AHCYL1: variants seen among roughly 807,000 people sequenced by gnomAD.
AHCYL1 encodes adenosylhomocysteinase like 1.
A neutral mutation model predicts 79.3 loss-of-function variants in AHCYL1; 20 were observed. That is an observed-to-expected ratio of 0.25 (90% CI 0.18 to 0.37). AHCYL1 has a LOEUF of 0.37. Ranked by LOEUF, AHCYL1 falls within the 10% of genes least tolerant of loss-of-function variation. The pLI, the probability that AHCYL1 is intolerant of heterozygous loss-of-function variation, is 1.00. For missense variants in AHCYL1, 330 were observed against 673.6 expected (o/e 0.49, Z 5.65); for synonymous variants, 223 against 242.2 (o/e 0.92, Z 0.74).
chr1:109,985,372 G>A, intron 1 of AHCYL1, 200 bp downstream of exon 1: 1 of 1,316,520 alleles, frequency 7.6e-7, no homozygotes. Context: ...TTTGTCCCTC[G>A]GCCCAAGTCC....
intron 1 of AHCYL1, among the ~76,000 whole-genome samples, chr1:109,987,121 C>T (rs912035778): frequency 3.9e-5 from 6 of 152,136 alleles, no homozygotes; most frequent in East Asian, 1.9e-4. Flanking sequence ...TTAGCATTTA[C>T]GTAGTACTTT....
chr1:109,992,408 CAAAAAAAAAAA>C (rs57891226), intron 1 of AHCYL1, among the ~76,000 whole-genome samples: 2 of 72,774 alleles, frequency 2.7e-5, no homozygotes, highest in Non-Finnish European at 6.2e-5. Context: ...GACTCCGTCT[CAAAAAAAAAAA>C]AAAAAAAAAA....
rs141812183 is a variant in AHCYL1 at position 109,985,490 on chromosome 1, C to T, written c.120+318C>T. ...AGTGGGAGGGGGTGAACCAACTCAGCTGACCCTTGTGACCAGTCCGGGGGC... is the reference window on the plus strand; with the variant it reads ...AGTGGGAGGGGGTGAACCAACTCAGTTGACCCTTGTGACCAGTCCGGGGGC... On this transcript the variant is annotated intron_variant, in intron 1 of 16. Transcript: ENST00000369799. 4.6e-6 allele frequency: 5 copies of T among 1,076,328 alleles called. No individual in the cohort carries two copies. In the East Asian group the frequency reaches 4.0e-4, roughly 87 times the overall value. The allele number at this position is 1,076,328 out of a possible 1,614,324, so 66.7% of individuals were successfully genotyped here.
At chr1:109,994,783 A>G (rs138085410) in intron 1 of AHCYL1, among the ~76,000 whole-genome samples, 220 of 152,324 alleles carry the variant, frequency 1.4e-3, no homozygotes, top group African/African-American at 5.2e-3. Context: ...CCCAGTGTTC[A>G]TTTATGAGAA....
chr1:110,021,192 G>A (rs167985), intron 16 of AHCYL1, among the ~76,000 whole-genome samples: 48,019 of 152,008 alleles, frequency 0.32, 7,919 homozygotes, highest in East Asian at 0.42. Context: ...AGTGAGCTGG[G>A]ATCATGCCAC....
intron 16 of AHCYL1, among the ~76,000 whole-genome samples, chr1:110,021,303 A>G (rs1651780544): frequency 6.6e-6 from 1 of 152,222 alleles, no homozygotes. Context: ...AAATTGTGGG[A>G]GATATCAGGG....
chr1:110,017,029 CCCA>C (rs1651462121), intron 9 of AHCYL1, among the ~76,000 whole-genome samples: 1 of 152,020 alleles, frequency 6.6e-6, no homozygotes, highest in Non-Finnish European at 1.5e-5. Context: ...GCATTTTAGC[CCCA>C]CAAGTGACTT....
intron 1 of AHCYL1, among the ~76,000 whole-genome samples, chr1:109,993,948 T>TA (rs1430201540): frequency 2.0e-5 from 3 of 152,172 alleles, no homozygotes. Context: ...GAAAGTACAT[T>TA]GGAACTCTGA....
intron 5 of AHCYL1, among the ~76,000 whole-genome samples, chr1:110,013,577 G>A (rs1651207980): frequency 6.6e-6 from 1 of 151,816 alleles, no homozygotes; most frequent in African/African-American, 2.4e-5. Flanking sequence ...GGGAGTGGTG[G>A]TGTGCGCCTG....
intron 1 of AHCYL1, among the ~76,000 whole-genome samples, chr1:110,003,453 G>T (rs1289130067): frequency 6.6e-6 from 1 of 151,892 alleles, no homozygotes; most frequent in Non-Finnish European, 1.5e-5. Flanking sequence ...TGCTGAAAAT[G>T]ATTATAATAA....
In AHCYL1 at chr1:109,984,964, C is replaced by A; in HGVS notation, c.-89C>A. On this transcript the variant is annotated 5_prime_UTR_variant, in exon 1 of 17. Coordinates refer to ENST00000369799, the MANE Select transcript of AHCYL1 (RefSeq NM_006621.7). Reference sequence around the variant, plus strand: ...GGCAGGAGGGTGGGCGATCGCGTGTCGGAGGGCGCCGCGCGGGCAGGCGGG... The same window carrying A: ...GGCAGGAGGGTGGGCGATCGCGTGTAGGAGGGCGCCGCGCGGGCAGGCGGG... 7.4e-7 allele frequency: 1 copy of A among 1,360,470 alleles called. No homozygotes were observed. The highest frequency in any genetic ancestry group is 1.8e-5 in the South Asian group (1 of 54,952). 84.3% of individuals were successfully genotyped at this position (1,360,470 alleles called of 1,614,324 possible). A position where few individuals can be genotyped will look rare whatever the true frequency, so the allele number is the denominator to read the frequency against.
At chr1:110,002,873 A>G (rs189389740) in intron 1 of AHCYL1, among the ~76,000 whole-genome samples, 1 of 152,352 alleles carries the variant, frequency 6.6e-6, no homozygotes, top group Non-Finnish European at 1.5e-5. Context: ...TTTTTCAAAT[A>G]AAACCTCAGA....
At chr1:110,012,485 G>A in intron 4 of AHCYL1, 23 bp downstream of exon 4, 1 of 1,551,982 alleles carries the variant, frequency 6.4e-7, no homozygotes, top group Non-Finnish European at 8.7e-7. Context: ...GAAGAAAAGA[G>A]GGACTTCTGA....
At position 110,019,581 on chromosome 1, in the gene AHCYL1, G is replaced by A. The variant is rs750092870; in HGVS notation, c.1420G>A (p.Glu474Lys). ...LALIELYNAP[E>K]GRYKQDVYLL... is the part of the protein sequence containing the mutation. Reference sequence around the variant, plus strand: ...ACTGATAGAACTCTATAATGCACCCGAGGGGCGATACAAGCAGGATGTGTA... The same window carrying A: ...ACTGATAGAACTCTATAATGCACCCAAGGGGCGATACAAGCAGGATGTGTA... The change falls in exon 15 of 17, where the codon GAG (glutamate) becomes AAG (lysine). Residue 474 changes from glutamate (E) to lysine (K), a missense_variant. Coordinates refer to ENST00000369799, the MANE Select transcript of AHCYL1 (RefSeq NM_006621.7). 6.2e-6 allele frequency: 10 copies of A among 1,613,278 alleles called. No individual in the cohort carries two copies. The highest frequency in any genetic ancestry group is 2.2e-5 in the East Asian group (1 of 44,862).
At chr1:109,995,322 C>A (rs528245497) in intron 1 of AHCYL1, among the ~76,000 whole-genome samples, 1 of 152,116 alleles carries the variant, frequency 6.6e-6, no homozygotes, top group African/African-American at 2.4e-5. Flanking sequence ...TTTCTTACTC[C>A]GCAGCGAGGG....
intron 1 of AHCYL1, among the ~76,000 whole-genome samples, chr1:109,985,806 C>T (rs1188051576): frequency 6.6e-6 from 1 of 152,040 alleles, no homozygotes; most frequent in African/African-American, 2.4e-5. Context: ...CAGGTGGATC[C>T]TAGAGTCATG....
chr1:109,996,543 G>C (rs543943230), intron 1 of AHCYL1, among the ~76,000 whole-genome samples: 1 of 152,210 alleles, frequency 6.6e-6, no homozygotes, highest in Non-Finnish European at 1.5e-5. Context: ...GGAACCCTCT[G>C]AGAGATGTGT....
chr1:110,017,695 G>A, intron 10 of AHCYL1, 112 bp downstream of exon 10: 1 of 1,179,300 alleles, frequency 8.5e-7, no homozygotes, highest in Non-Finnish European at 1.2e-6. Flanking sequence ...GGGAAGAGAA[G>A]GCTAGGACTG....
intron 1 of AHCYL1, chr1:110,000,843 T>C (rs1027782963): frequency 1.6e-6 from 1 of 608,596 alleles, no homozygotes; most frequent in Non-Finnish European, 2.1e-6. Context: ...GTTTTCTCAT[T>C]TGTGAAGCAT....
Sources: gnomAD v4.1 joint callset for allele counts (sites outside exome capture counted in the v4.1 genomes callset) on GRCh38, gnomAD v4.1.1 for gene constraint, MANE v1.5 for transcripts, NCBI Gene and HGNC (gene_info 2026-07-23, HGNC 2026-07-21) for gene names.